Variants in FSTL4 observed in about 807,000 individuals in gnomAD.
FSTL4 encodes follistatin-related protein 4.
FSTL4 carries 28 observed loss-of-function variants against 78.2 expected under a neutral mutation model. The observed-to-expected ratio is 0.36, with a 90% confidence interval of 0.27 to 0.49. FSTL4 has a LOEUF of 0.49. Ranked by LOEUF, FSTL4 falls within the 20% of genes least tolerant of loss-of-function variation. The pLI is 0.98. For missense variants in FSTL4, 922 were observed against 1,084.9 expected (o/e 0.85, Z 2.11); for synonymous variants, 422 against 440.5 (o/e 0.96, Z 0.53).
intron 13 of FSTL4, among the ~76,000 whole-genome samples, chr5:133,214,235 G>C (rs1275322028): frequency 6.6e-6 from 1 of 152,118 alleles, no homozygotes; most frequent in Non-Finnish European, 1.5e-5. Flanking sequence ...TTCTTTTAAA[G>C]TACACATGGA....
intron 2 of FSTL4, among the ~76,000 whole-genome samples, chr5:133,567,750 A>G (rs1345300790): frequency 6.6e-6 from 1 of 152,258 alleles, no homozygotes; most frequent in Admixed American, 6.5e-5. Context: ...CAATTTGGAT[A>G]GCCAGTTCAT....
chr5:133,269,184 CAAAAAA>C (rs869156118), intron 6 of FSTL4, among the ~76,000 whole-genome samples: 2 of 58,994 alleles, frequency 3.4e-5, no homozygotes, highest in African/African-American at 8.7e-5. Flanking sequence ...GACTCCATCT[CAAAAAA>C]AAAAAAAAAA....
At position 133,465,307 on chromosome 5, in the gene FSTL4, T is replaced by A. The variant is rs138177123; in HGVS notation, c.161-64321A>T. 7.9e-3 allele frequency among the ~76,000 whole-genome samples: 1,210 copies of A among 152,288 alleles called. 7 individuals are homozygous for A. The highest frequency in any genetic ancestry group is 0.016 in the South Asian group (77 of 4,822). ...CTCAAGTTCTTATGGCCTCTCAAAG[T>A]CTTTCCTACCTGATTTAACCCATAT... On this transcript the variant is annotated intron_variant, in intron 3 of 15. Coordinates refer to ENST00000265342, the MANE Select transcript of FSTL4 (RefSeq NM_015082.2).
At chr5:133,566,466 C>T (rs954237369) in intron 3 of FSTL4, among the ~76,000 whole-genome samples, 5 of 152,100 alleles carry the variant, frequency 3.3e-5, no homozygotes, top group African/African-American at 1.2e-4. Context: ...AGACCAGGAA[C>T]TCATTTTCGT....
chr5:133,217,135 C>T, intron 13 of FSTL4, 94 bp downstream of exon 13: 1 of 985,442 alleles, frequency 1.0e-6, no homozygotes, highest in Non-Finnish European at 1.6e-6. Flanking sequence ...GACCACCTGG[C>T]ACAGGAGCTG....
chr5:133,453,968 C>T (rs555303574), intron 3 of FSTL4, among the ~76,000 whole-genome samples: 66 of 152,284 alleles, frequency 4.3e-4, no homozygotes, highest in African/African-American at 1.6e-3. Flanking sequence ...AAGAGAAGCA[C>T]AAACCATTCT....
the FSTL4 span, among the ~76,000 whole-genome samples, chr5:133,809,609 GAAAAAAAA>G: frequency 1.5e-5 from 2 of 137,004 alleles, no homozygotes; most frequent in East Asian, 4.1e-4. Flanking sequence ...ACCAAAAATG[GAAAAAAAA>G]AAAAGAAAAA....
intron 4 of FSTL4, among the ~76,000 whole-genome samples, chr5:133,335,392 G>C (rs561360286): frequency 6.6e-6 from 1 of 151,954 alleles, no homozygotes; most frequent in African/African-American, 2.4e-5. Context: ...CGACCTTCAC[G>C]GCCCTGGCTG....
intron 11 of FSTL4, 135 bp from the exon 12 acceptor site, chr5:133,221,001 G>A: frequency 1.3e-6 from 1 of 745,924 alleles, no homozygotes; most frequent in Non-Finnish European, 2.5e-6. Flanking sequence ...TTCCTGGTCA[G>A]GGTGGGGTAG....
chr5:133,251,784 C>T (rs1316106939), intron 6 of FSTL4, among the ~76,000 whole-genome samples: 1 of 152,204 alleles, frequency 6.6e-6, no homozygotes, highest in Non-Finnish European at 1.5e-5. Context: ...AATATCTGGA[C>T]CTGAGAACTG....
intron 2 of FSTL4, among the ~76,000 whole-genome samples, chr5:133,589,886 A>T (rs1314109665): frequency 6.6e-6 from 1 of 152,218 alleles, no homozygotes; most frequent in Non-Finnish European, 1.5e-5. Context: ...GGGAGATCTC[A>T]AACAGCTCAC....
At chr5:133,599,693 A>G (rs1381526690) in intron 2 of FSTL4, among the ~76,000 whole-genome samples, 1 of 152,210 alleles carries the variant, frequency 6.6e-6, no homozygotes, top group Admixed American at 6.5e-5. Flanking sequence ...AGCCCAGCAA[A>G]TGGGTGAGAT....
intron 7 of FSTL4, among the ~76,000 whole-genome samples, chr5:133,240,557 C>T (rs771044798): frequency 6.6e-6 from 1 of 152,184 alleles, no homozygotes; most frequent in Non-Finnish European, 1.5e-5. Flanking sequence ...GCACCTGGTT[C>T]TTCCAAGGCT....
At chr5:133,839,532 G>A in the FSTL4 span, among the ~76,000 whole-genome samples, 17 of 140,898 alleles carry the variant, frequency 1.2e-4, no homozygotes, top group Admixed American at 4.5e-4. Flanking sequence ...AAAGTGGGTT[G>A]AGGGGCTATC....
At chr5:133,784,100 C>T in the FSTL4 span, among the ~76,000 whole-genome samples, 3 of 152,038 alleles carry the variant, frequency 2.0e-5, no homozygotes, top group East Asian at 3.9e-4. Context: ...TGGGAGGATA[C>T]GTACAGGGAA....
chr5:133,472,777 C>G (rs1344118610), intron 3 of FSTL4, among the ~76,000 whole-genome samples: 1 of 152,244 alleles, frequency 6.6e-6, no homozygotes, highest in African/African-American at 2.4e-5. Context: ...GCTGACATGG[C>G]AAGGACATCT....
At chr5:133,683,434 A>C in the FSTL4 span, among the ~76,000 whole-genome samples, 3,229 of 152,332 alleles carry the variant, frequency 0.021, 116 homozygotes, top group African/African-American at 0.073. Flanking sequence ...TTTAATACAC[A>C]GTAGTTAAAT....
intron 6 of FSTL4, among the ~76,000 whole-genome samples, chr5:133,267,727 C>T (rs1363008544): frequency 1.3e-5 from 2 of 152,136 alleles, no homozygotes; most frequent in African/African-American, 2.4e-5. Flanking sequence ...CATTAACACA[C>T]AGGCAGAAGA....
intron 6 of FSTL4, among the ~76,000 whole-genome samples, chr5:133,296,003 C>G (rs938331818): frequency 6.6e-6 from 1 of 152,176 alleles, no homozygotes; most frequent in Admixed American, 6.5e-5. Context: ...CTCGTCTATC[C>G]AACTGCCTGT....
Sources: allele counts gnomAD v4.1 joint callset (sites outside exome capture counted in the v4.1 genomes callset), GRCh38; gene constraint gnomAD v4.1.1; transcripts MANE v1.5; gene names NCBI Gene and HGNC (gene_info 2026-07-23, HGNC 2026-07-21).